The following TMEM131 variants were observed in gnomAD, a reference collection of about 807,000 sequenced individuals.
TMEM131 encodes the protein 2610524E03Rik.
TMEM131 carries 66 observed loss-of-function variants against 211.6 expected under a neutral mutation model. That is an observed-to-expected ratio of 0.31 (90% confidence interval 0.26 to 0.38). The LOEUF is 0.38. TMEM131 is among the 10% of genes least tolerant of loss of function. The pLI is 1.00. For missense variants in TMEM131, 2,036 were observed against 2,299.3 expected (o/e 0.89, Z 2.34); for synonymous variants, 844 against 841.3 (o/e 1.00, Z -0.06).
intron 4 of TMEM131, among the ~76,000 whole-genome samples, chr2:97,880,119 T>C (rs886957859): frequency 6.8e-6 from 1 of 147,640 alleles, no homozygotes; most frequent in African/African-American, 2.6e-5. Flanking sequence ...TACTTTCCTA[T>C]ATGTATGAAA....
intron 6 of TMEM131, among the ~76,000 whole-genome samples, chr2:97,843,679 T>C (rs1683299827): frequency 6.6e-6 from 1 of 152,146 alleles, no homozygotes; most frequent in Admixed American, 6.5e-5. Flanking sequence ...ACAAACAGAA[T>C]AATGGCTGAT....
chr2:97,794,909 CCT>C lies in TMEM131; in HGVS notation c.3386+19_3386+20del. The C allele has an allele frequency of 1.3e-6, 2 of 1,545,570 alleles. No individual in the cohort carries two copies. The highest frequency in any genetic ancestry group is 1.7e-6 in the Non-Finnish European group (2 of 1,143,738). ...GTGTTAAATGTTGAATGAATATGAACCTTGAAACAAGACACAATACCTCATTA... is the reference window on the plus strand; with the variant it reads ...GTGTTAAATGTTGAATGAATATGAACTGAAACAAGACACAATACCTCATTA... On this transcript the variant is annotated intron_variant, in intron 29 of 40. Transcript: ENST00000186436.
intron 3 of TMEM131, among the ~76,000 whole-genome samples, chr2:97,894,798 C>A (rs1405850873): frequency 6.6e-6 from 1 of 152,144 alleles, no homozygotes; most frequent in African/African-American, 2.4e-5. Context: ...TGTAAATATA[C>A]CATCATTTCA....
At chr2:97,944,932 A>G (rs1321913206) in intron 1 of TMEM131, among the ~76,000 whole-genome samples, 3 of 152,216 alleles carry the variant, frequency 2.0e-5, no homozygotes, top group African/African-American at 4.8e-5. Flanking sequence ...TAAAGTTACC[A>G]TACAATATAC....
At chr2:97,858,117 G>A (rs987517228) in intron 5 of TMEM131, among the ~76,000 whole-genome samples, 1 of 152,112 alleles carries the variant, frequency 6.6e-6, no homozygotes, top group African/African-American at 2.4e-5. Flanking sequence ...CAGGATTTTA[G>A]AGAGGAGAAA....
chr2:97,773,821 C>T (rs940855617), intron 32 of TMEM131, among the ~76,000 whole-genome samples: 1 of 152,174 alleles, frequency 6.6e-6, no homozygotes, highest in Non-Finnish European at 1.5e-5. Flanking sequence ...CCAGGCTGCA[C>T]TCAGGTATTG....
chr2:97,889,267 G>A (rs7599043), intron 3 of TMEM131, among the ~76,000 whole-genome samples: 52,471 of 151,916 alleles, frequency 0.35, 9,961 homozygotes, highest in Middle Eastern at 0.49. Flanking sequence ...AAGAAAGCAA[G>A]CACCAAAAGT....
chr2:97,901,470 G>T (rs557465890), intron 3 of TMEM131, among the ~76,000 whole-genome samples: 1 of 152,200 alleles, frequency 6.6e-6, no homozygotes, highest in African/African-American at 2.4e-5. Context: ...GTATTTCAAA[G>T]ATACACCTGC....
At chr2:97,801,556 G>A (rs1221235981) in intron 25 of TMEM131, among the ~76,000 whole-genome samples, 4 of 152,060 alleles carry the variant, frequency 2.6e-5, no homozygotes, top group Non-Finnish European at 5.9e-5. Flanking sequence ...AAATGACTGA[G>A]CTCAATATTT....
chr2:97,954,820 A>AG (rs1324090237), intron 1 of TMEM131, among the ~76,000 whole-genome samples: 1 of 150,752 alleles, frequency 6.6e-6, no homozygotes, highest in East Asian at 1.9e-4. Context: ...AAAAAAAAAA[A>AG]AAAAAAAAAC....
In TMEM131 at chr2:97,863,117, A is replaced by C. The variant is rs558939587; in HGVS notation, c.360-3690T>G. The stretch of plus-strand genomic sequence containing the variant: ...GCTGAAGGCAACAACAACAAAAAAA[A>C]CCCCCACACTTTTACCCTAGAATAG... On this transcript the variant is annotated intron_variant, in intron 4 of 40. Coordinates refer to ENST00000186436, the MANE Select transcript of TMEM131 (RefSeq NM_015348.2). 1.1e-4 allele frequency among the ~76,000 whole-genome samples: 16 copies of C among 152,080 alleles called. 2 individuals carry two copies. The highest frequency in any genetic ancestry group is 9.8e-4 in the Admixed American group (15 of 15,266).
At chr2:97,818,556 C>T in intron 12 of TMEM131, 57 bp downstream of exon 12, 8 of 1,138,716 alleles carry the variant, frequency 7.0e-6, no homozygotes, top group Non-Finnish European at 1.0e-5. Context: ...AATACAGATG[C>T]TTTCTAGTTT....
chr2:97,773,489 C>T (rs1182173892), intron 32 of TMEM131, among the ~76,000 whole-genome samples: 4 of 152,242 alleles, frequency 2.6e-5, no homozygotes, highest in South Asian at 2.1e-4. Context: ...ACATCCAAGA[C>T]GCATCTTAAA....
chr2:97,883,235 T>C (rs1010555241), intron 4 of TMEM131, among the ~76,000 whole-genome samples: 8 of 152,242 alleles, frequency 5.3e-5, no homozygotes, highest in Admixed American at 3.9e-4. Context: ...GGAGGACACA[T>C]TCAGACTATA....
intron 15 of TMEM131, among the ~76,000 whole-genome samples, chr2:97,813,218 C>T (rs1246386396): frequency 6.6e-6 from 1 of 152,010 alleles, no homozygotes; most frequent in Non-Finnish European, 1.5e-5. Context: ...CCTAGGGGAT[C>T]GGGCAAAAAG....
intron 10 of TMEM131, 32 bp downstream of exon 10, chr2:97,834,589 T>C (rs1383487932): frequency 4.9e-6 from 7 of 1,431,972 alleles, no homozygotes; most frequent in South Asian, 4.2e-5. Flanking sequence ...AAAAAAAAAC[T>C]CCATAAAGAC....
chr2:97,945,462 T>A (rs972856806), intron 1 of TMEM131, among the ~76,000 whole-genome samples: 2 of 152,170 alleles, frequency 1.3e-5, no homozygotes, highest in African/African-American at 2.4e-5. Flanking sequence ...AGAAATTGTA[T>A]CTCAATATTT....
chr2:97,899,057 AT>A (rs1675738542), intron 3 of TMEM131, among the ~76,000 whole-genome samples: 1 of 151,686 alleles, frequency 6.6e-6, no homozygotes, highest in South Asian at 2.1e-4. Flanking sequence ...AGTTTTATTC[AT>A]TTTTTTCCTT....
intron 5 of TMEM131, among the ~76,000 whole-genome samples, chr2:97,847,323 TAA>T (rs1683498953): frequency 6.6e-6 from 1 of 152,158 alleles, no homozygotes. Context: ...AAAATCCTCC[TAA>T]AAGAGTTTAA....
Sources: gnomAD v4.1 joint callset for allele counts (sites outside exome capture counted in the v4.1 genomes callset) on GRCh38, gnomAD v4.1.1 for gene constraint, MANE v1.5 for transcripts, NCBI Gene and HGNC (gene_info 2026-07-23, HGNC 2026-07-21) for gene names.